Variants in LRRTM4 observed in about 807,000 individuals in gnomAD.
The protein encoded by LRRTM4 is leucine rich repeat transmembrane neuronal 4.
In LRRTM4, 25 loss-of-function variants were observed where a neutral mutation model predicts 47.6. The observed-to-expected ratio is 0.53, with a 90% CI of 0.38 to 0.73. The LOEUF is 0.73. LRRTM4 is among the 30% of genes least tolerant of loss of function. LRRTM4 has a pLI of 0.00. For synonymous variants in LRRTM4, 311 were observed against 269.5 expected (o/e 1.15, Z -1.51); for missense variants, 638 against 713.4 (o/e 0.89, Z 1.20).
intron 3 of LRRTM4, among the ~76,000 whole-genome samples, chr2:76,988,005 G>C (rs1676863631): frequency 6.6e-6 from 1 of 151,776 alleles, no homozygotes; most frequent in South Asian, 2.1e-4. Flanking sequence ...AACTTTACTA[G>C]TATTATGTGT....
intron 3 of LRRTM4, among the ~76,000 whole-genome samples, chr2:77,104,757 C>T (rs1671053645): frequency 6.6e-6 from 1 of 152,276 alleles, no homozygotes; most frequent in Admixed American, 6.5e-5. Context: ...TTATTCAGTG[C>T]AGTCCAATTC....
chr2:77,377,828 G>T (rs996456754), intron 3 of LRRTM4, among the ~76,000 whole-genome samples: 4 of 151,504 alleles, frequency 2.6e-5, no homozygotes, highest in Admixed American at 1.3e-4. Context: ...ATATCTATTT[G>T]GTCTGAAGGT....
Position 76,816,331 on chromosome 2 carries a change from C to A in LRRTM4, c.1552-67415G>T, listed in dbSNP as rs183307353. On this transcript the variant is annotated intron_variant, in intron 3 of 3. Transcript: ENST00000409884. Reference sequence around the variant, plus strand: ...CTTTGACTATGCATCTCACCGACATCTGAAGTATAATTATTGACCCCTGTC... The same window carrying A: ...CTTTGACTATGCATCTCACCGACATATGAAGTATAATTATTGACCCCTGTC... 1.1e-3 allele frequency among the ~76,000 whole-genome samples: 173 copies of A among 152,176 alleles called. 1 individual carries two copies. The highest frequency in any genetic ancestry group is 3.6e-3 in the African/African-American group (151 of 41,546).
At chr2:77,036,946 C>T (rs937204478) in intron 3 of LRRTM4, among the ~76,000 whole-genome samples, 4 of 151,650 alleles carry the variant, frequency 2.6e-5, no homozygotes, top group African/African-American at 9.7e-5. Flanking sequence ...AAGTGATTGA[C>T]CCCTACTTAA....
chr2:76,955,499 T>C (rs1297554498), intron 3 of LRRTM4, among the ~76,000 whole-genome samples: 1 of 151,786 alleles, frequency 6.6e-6, no homozygotes, highest in African/African-American at 2.4e-5. Context: ...AGTATGTCAC[T>C]ACTAAGAATT....
intron 3 of LRRTM4, among the ~76,000 whole-genome samples, chr2:77,309,666 A>G (rs1338056994): frequency 6.9e-6 from 1 of 145,350 alleles, no homozygotes; most frequent in Non-Finnish European, 1.5e-5. Context: ...CCAGAAGTTT[A>G]GATAGATAGA....
intron 3 of LRRTM4, among the ~76,000 whole-genome samples, chr2:76,996,999 G>C (rs896185174): frequency 6.6e-6 from 1 of 152,076 alleles, no homozygotes; most frequent in African/African-American, 2.4e-5. Flanking sequence ...CCTCATCAAG[G>C]GAGAAGGAGC....
rs557509307 is a variant in LRRTM4 at position 77,066,736 on chromosome 2, G to T, written c.1552-317820C>A. Among the ~76,000 whole-genome samples, 4 of 152,344 alleles carry T rather than the reference G, an allele frequency of 2.6e-5. No homozygotes were observed. In the South Asian group the frequency reaches 6.2e-4, roughly 24 times the overall value. ...GTATATTTTTACATAGGAAAGGTATGTGTGAAGTATTAAAATAATAGGAGC... is the reference window on the plus strand; with the variant it reads ...GTATATTTTTACATAGGAAAGGTATTTGTGAAGTATTAAAATAATAGGAGC... On this transcript the variant is annotated intron_variant, in intron 3 of 3. Transcript: ENST00000409884.
At chr2:76,937,759 G>C (rs889872171) in intron 3 of LRRTM4, among the ~76,000 whole-genome samples, 14 of 152,030 alleles carry the variant, frequency 9.2e-5, no homozygotes, top group Non-Finnish European at 2.9e-5. Flanking sequence ...GTACAGACGG[G>C]GTTTCACCAT....
At chr2:76,876,842 G>T (rs1672793095) in intron 3 of LRRTM4, among the ~76,000 whole-genome samples, 1 of 151,906 alleles carries the variant, frequency 6.6e-6, no homozygotes, top group African/African-American at 2.4e-5. Flanking sequence ...AAATCACTCT[G>T]TACCTTGGTA....
intron 3 of LRRTM4, among the ~76,000 whole-genome samples, chr2:77,026,509 T>A (rs1013565598): frequency 6.6e-6 from 1 of 152,098 alleles, no homozygotes; most frequent in African/African-American, 2.4e-5. Flanking sequence ...TTATTAACAT[T>A]TTAAATTGTA....
At chr2:77,194,410 T>C (rs1432001522) in intron 3 of LRRTM4, among the ~76,000 whole-genome samples, 2 of 152,164 alleles carry the variant, frequency 1.3e-5, no homozygotes, top group African/African-American at 4.8e-5. Context: ...ATGGGAATTA[T>C]GAACACACTT....
chr2:77,310,019 T>C lies in LRRTM4; in HGVS notation c.1551+208299A>G, dbSNP rs570757279. Among the ~76,000 whole-genome samples the C allele has an allele frequency of 3.9e-5, 6 of 152,304 alleles. No individual in the cohort carries two copies. The East Asian group carries it at 1.2e-3, about 29-fold the overall frequency. ...CAGAGACTATCTAGGCAACAAATCC[T>C]AAAATATTTGCTATCTTGCTCTTTA... On this transcript the variant is annotated intron_variant, in intron 3 of 3. Transcript: ENST00000409884.
chr2:77,188,222 C>T (rs1180216333), intron 3 of LRRTM4, among the ~76,000 whole-genome samples: 1 of 152,090 alleles, frequency 6.6e-6, no homozygotes, highest in Non-Finnish European at 1.5e-5. Flanking sequence ...TTCTTACCTT[C>T]TTAGAGACTA....
At chr2:76,948,388 T>A (rs1430204026) in intron 3 of LRRTM4, among the ~76,000 whole-genome samples, 1 of 151,878 alleles carries the variant, frequency 6.6e-6, no homozygotes, top group Non-Finnish European at 1.5e-5. Flanking sequence ...CTTTTAGTGT[T>A]TTTCTTTCAT....
At chr2:77,440,238 AC>A (rs1364866905) in intron 3 of LRRTM4, among the ~76,000 whole-genome samples, 1 of 151,862 alleles carries the variant, frequency 6.6e-6, no homozygotes, top group East Asian at 1.9e-4. Flanking sequence ...CACGGTGAGA[AC>A]CCGTCTCTAC....
intron 3 of LRRTM4, among the ~76,000 whole-genome samples, chr2:76,786,408 A>T (rs531197755): frequency 2.4e-4 from 36 of 152,284 alleles, no homozygotes; most frequent in Non-Finnish European, 4.0e-4. Context: ...ACATTTTTTT[A>T]ACAGTATTTT....
Position 76,884,060 on chromosome 2 carries a change from TCCACCCA to T in LRRTM4, c.1552-135151_1552-135145del, listed in dbSNP as rs541519100. Among the ~76,000 whole-genome samples, 159 of 151,804 alleles carry T rather than the reference TCCACCCA, an allele frequency of 1.0e-3. 2 individuals carry two copies. In the East Asian group the frequency reaches 0.02, roughly 19 times the overall value. ...GTCTCCAACTCCTGGCTTCAAGTAA[TCCACCCA>T]CCTCGACCTCCCAAATTGTTGAACC... On this transcript the variant is annotated intron_variant, in intron 3 of 3. Coordinates refer to ENST00000409884, the MANE Select transcript of LRRTM4 (RefSeq NM_001134745.3).
chr2:77,378,246 T>G, intron 3 of LRRTM4, among the ~76,000 whole-genome samples: 1 of 152,192 alleles, frequency 6.6e-6, no homozygotes, highest in Middle Eastern at 3.4e-3. Flanking sequence ...TTAGTCTCTA[T>G]ATTTCAAATC....
Sources: gnomAD v4.1 joint callset for allele counts (sites outside exome capture counted in the v4.1 genomes callset) on GRCh38, gnomAD v4.1.1 for gene constraint, MANE v1.5 for transcripts, NCBI Gene and HGNC (gene_info 2026-07-23, HGNC 2026-07-21) for gene names.